Variants in KALRN observed in about 807,000 individuals in gnomAD.
The protein encoded by KALRN is kalirin.
In KALRN, 70 loss-of-function variants were observed where a neutral mutation model predicts 353.7. The ratio of observed to expected loss-of-function variants is 0.20; its 90% CI spans 0.16 to 0.24. The LOEUF (loss-of-function observed/expected upper bound fraction) is 0.24. Among genes scored for constraint, KALRN ranks in the 10% least tolerant of loss-of-function variants. The probability of loss-of-function intolerance (pLI) is 1.00; values close to 1 mark genes in which losing one functional copy is unlikely to be tolerated. For missense variants in KALRN, 2,791 were observed against 3,756.7 expected, an observed-to-expected ratio of 0.74 and a Z score of 6.72; for synonymous variants, 1,391 against 1,434.8, an observed-to-expected ratio of 0.97 and a Z score of 0.69.
chr3:124,674,623 C>T lies in KALRN; in HGVS notation c.7193+9C>T. Reference sequence around the variant, plus strand: ...AGTGACGGGAGCATCAAGTAAGTGCCTCGTTGGCTTCCCCGGGAGAGGAGT... The same window carrying T: ...AGTGACGGGAGCATCAAGTAAGTGCTTCGTTGGCTTCCCCGGGAGAGGAGT... On this transcript the variant is annotated intron_variant, in intron 49 of 59. Transcript: ENST00000682506. 1 of 1,569,244 alleles carries T rather than the reference C, an allele frequency of 6.4e-7. No individual in the cohort carries two copies. The highest frequency in any genetic ancestry group is 8.7e-7 in the Non-Finnish European group (1 of 1,154,986).
At chr3:124,606,427 G>A (rs557570454) in intron 34 of KALRN, among the ~76,000 whole-genome samples, 4 of 152,244 alleles carry the variant, frequency 2.6e-5, no homozygotes, top group East Asian at 3.9e-4. Context: ...CTATGAAAAC[G>A]CCCAGGCCAT....
chr3:124,086,777 C>T (rs1473024279), intron 1 of KALRN, among the ~76,000 whole-genome samples: 1 of 152,110 alleles, frequency 6.6e-6, no homozygotes, highest in Non-Finnish European at 1.5e-5. Flanking sequence ...GTCTACCAAG[C>T]CACTTTTCCC....
chr3:124,420,178 T>C (rs1027789175), intron 14 of KALRN, among the ~76,000 whole-genome samples: 2 of 152,180 alleles, frequency 1.3e-5, no homozygotes, highest in South Asian at 4.1e-4. Context: ...TCAAATGAGA[T>C]GGATGAAAAT....
At position 124,480,079 on chromosome 3, in the gene KALRN, A is replaced by G. The variant is rs924240416; in HGVS notation, c.4192-2729A>G. 5.3e-5 allele frequency among the ~76,000 whole-genome samples: 8 copies of G among 152,214 alleles called. No homozygotes were observed. In the East Asian group the frequency reaches 1.5e-3, roughly 29 times the overall value. On this transcript the variant is annotated intron_variant, in intron 27 of 59. Transcript: ENST00000682506. ...GGGTGTGATGTCTAAGCTTGGTTTGACTGATGTAGGCCCCTCCCTCTCTGC... is the reference window on the plus strand; with the variant it reads ...GGGTGTGATGTCTAAGCTTGGTTTGGCTGATGTAGGCCCCTCCCTCTCTGC...
intron 1 of KALRN, among the ~76,000 whole-genome samples, chr3:124,059,060 G>GA (rs1410071733): frequency 2.6e-5 from 4 of 151,434 alleles, no homozygotes; most frequent in Non-Finnish European, 4.4e-5. Context: ...CATTATAGAA[G>GA]AAAAAAAAGG....
intron 51 of KALRN, among the ~76,000 whole-genome samples, chr3:124,689,772 A>T (rs997405251): frequency 1.3e-5 from 2 of 152,200 alleles, no homozygotes; most frequent in African/African-American, 4.8e-5. Context: ...ATAGCAAAAA[A>T]AAATATGACT....
intron 34 of KALRN, among the ~76,000 whole-genome samples, chr3:124,622,953 A>G (rs1241598800): frequency 6.6e-6 from 1 of 152,162 alleles, no homozygotes; most frequent in African/African-American, 2.4e-5. Flanking sequence ...GTAACATTGA[A>G]GTAAGTATGA....
chr3:124,609,032 G>A (rs373935912), intron 34 of KALRN, among the ~76,000 whole-genome samples: 1 of 152,166 alleles, frequency 6.6e-6, no homozygotes, highest in East Asian at 1.9e-4. Context: ...TAGCCAAAGG[G>A]TCAGCGGACT....
rs1324337069 is a variant in KALRN, at chr3:124,678,292, G to A, written c.7296G>A (p.Leu2432=). 6.2e-7 allele frequency: 1 copy of A among 1,613,784 alleles called. No individual in the cohort carries two copies. Among genetic ancestry groups the A allele is most frequent in the Non-Finnish European group, 8.5e-7 (1 of 1,179,888 alleles). The change falls in exon 50 of 60, where the codon CTG becomes CTA. Residue 2432 remains leucine (L), a synonymous_variant. Coordinates refer to ENST00000682506, the MANE Select transcript of KALRN (RefSeq NM_001388419.1). ...ATGPRKPKDI[L]GNKVSVKETN... is the part of the protein sequence containing the mutation. ...GGCCTCGTAAACCCAAGGATATTCTGGGCAACAAAGTCTCTGTTAAAGTGA... is the reference window on the plus strand; with the variant it reads ...GGCCTCGTAAACCCAAGGATATTCTAGGCAACAAAGTCTCTGTTAAAGTGA...
chr3:124,590,402 G>T (rs67889059), intron 34 of KALRN, among the ~76,000 whole-genome samples: 23,384 of 151,888 alleles, frequency 0.15, 1,941 homozygotes, highest in Middle Eastern at 0.19. Flanking sequence ...TCCTACCTTG[G>T]GAATAAAAGG....
intron 3 of KALRN, among the ~76,000 whole-genome samples, chr3:124,261,868 G>T (rs2072919554): frequency 6.6e-6 from 1 of 152,154 alleles, no homozygotes. Flanking sequence ...TAAACTAAAT[G>T]ATGCTCAGTG....
rs534966677 is a variant in KALRN at position 124,592,227 on chromosome 3, G to A, written c.5182+29138G>A. On this transcript the variant is annotated intron_variant, in intron 34 of 59. Transcript: ENST00000682506. The stretch of plus-strand genomic sequence containing the variant: ...TGAGTCAGGAGAATTGCTTGAACCC[G>A]GGAAGCAGAGGTTGCAGTGAGCCGA... 9.9e-5 allele frequency among the ~76,000 whole-genome samples: 15 copies of A among 150,974 alleles called. No individual in the cohort carries two copies. In the East Asian group the frequency reaches 2.3e-3, roughly 24 times the overall value.
chr3:124,301,535 T>A (rs933541952), intron 6 of KALRN, among the ~76,000 whole-genome samples: 1 of 152,142 alleles, frequency 6.6e-6, no homozygotes, highest in Non-Finnish European at 1.5e-5. Flanking sequence ...TGGATCAAAT[T>A]GCTTGCCCGC....
chr3:124,335,123 C>T (rs1170312961), intron 9 of KALRN, among the ~76,000 whole-genome samples: 2 of 152,098 alleles, frequency 1.3e-5, no homozygotes, highest in Admixed American at 6.5e-5. Flanking sequence ...TTGACCCACA[C>T]TCAGGCAATG....
At chr3:124,259,804 A>G (rs951011063) in intron 3 of KALRN, among the ~76,000 whole-genome samples, 4 of 152,212 alleles carry the variant, frequency 2.6e-5, no homozygotes, top group Non-Finnish European at 4.4e-5. Context: ...TAAGGAGAAA[A>G]ATAAAGAGAA....
chr3:124,666,440 T>G lies in KALRN; in HGVS notation c.6346-9T>G. 1 of 1,613,362 alleles carries G rather than the reference T, an allele frequency of 6.2e-7. No individual in the cohort carries two copies. Among genetic ancestry groups the G allele is most frequent in the Non-Finnish European group, 8.5e-7 (1 of 1,179,422 alleles). ...TCATTCACTTCACCCCAGCCCGTCT[T>G]TCCTTCAGGGCACTCTGACTGCTCA... On this transcript the variant is annotated splice_polypyrimidine_tract_variant and intron_variant, in intron 45 of 59. Coordinates refer to ENST00000682506, the MANE Select transcript of KALRN (RefSeq NM_001388419.1).
chr3:124,611,344 C>T (rs1055856320), intron 34 of KALRN, among the ~76,000 whole-genome samples: 2 of 152,110 alleles, frequency 1.3e-5, no homozygotes, highest in African/African-American at 4.8e-5. Flanking sequence ...AGTTGAGATA[C>T]CAGGTGACTT....
intron 1 of KALRN, among the ~76,000 whole-genome samples, chr3:124,058,331 T>C (rs999665482): frequency 5.9e-5 from 9 of 152,168 alleles, no homozygotes; most frequent in Non-Finnish European, 8.8e-5. Flanking sequence ...GAGCTGCCTA[T>C]ATATCTTTCT....
Position 124,719,441 on chromosome 3 carries a change from A to G in KALRN, c.8932A>G (p.Ile2978Val), listed in dbSNP as rs2063306052. 1.2e-6 allele frequency: 2 copies of G among 1,613,800 alleles called. No homozygotes were observed. The highest frequency in any genetic ancestry group is 1.7e-6 in the Non-Finnish European group (2 of 1,179,830). The change falls in exon 60 of 60, where the codon ATT becomes GTT. Residue 2978 changes from isoleucine to valine, a missense_variant. Transcript: ENST00000682506. This position sits in a 1 kb window ranked among gnomAD's most constrained non-coding sequence, Gnocchi z 5.3. Reference protein sequence around the residue: ...VRPIPNVKSYIVNRVNQGT With the variant: ...VRPIPNVKSYVVNRVNQGT ...GCCTATTCCCAATGTCAAGAGCTACATTGTCAACCGGGTGAACCAAGGGAC... is the reference window on the plus strand; with the variant it reads ...GCCTATTCCCAATGTCAAGAGCTACGTTGTCAACCGGGTGAACCAAGGGAC...
Sources: allele counts gnomAD v4.1 joint callset (sites outside exome capture counted in the v4.1 genomes callset), GRCh38; gene constraint gnomAD v4.1.1; non-coding constraint Gnocchi (gnomAD v3.1); transcripts MANE v1.5; gene names NCBI Gene and HGNC (gene_info 2026-07-23, HGNC 2026-07-21).